MARCHF6: variants seen among roughly 807,000 people sequenced by gnomAD.
MARCHF6 encodes membrane associated ring-CH-type finger 6.
A neutral mutation model predicts 133.7 loss-of-function variants in MARCHF6; 31 were observed. The ratio of observed to expected loss-of-function variants is 0.23; its 90% CI spans 0.17 to 0.31. The LOEUF is 0.31. MARCHF6 is among the 10% of genes least tolerant of loss of function. The pLI is 1.00. For missense variants in MARCHF6, 723 were observed against 1,121.6 expected, an observed-to-expected ratio of 0.64 and a Z score of 5.08; for synonymous variants, 395 against 402.5, an observed-to-expected ratio of 0.98 and a Z score of 0.22.
intron 21 of MARCHF6, among the ~76,000 whole-genome samples, 191 bp downstream of exon 21, chr5:10,415,860 G>A (rs773657095): frequency 1.1e-4 from 16 of 151,942 alleles, no homozygotes; most frequent in South Asian, 2.1e-4. Flanking sequence ...AGAGTCCTAC[G>A]TTCAGATATA....
chr5:10,379,832 C>G (rs1477103281), intron 3 of MARCHF6, among the ~76,000 whole-genome samples: 3 of 152,098 alleles, frequency 2.0e-5, no homozygotes, highest in African/African-American at 4.8e-5. Flanking sequence ...TCTTGAACTC[C>G]TGGCCTCAAG....
At chr5:10,423,904 A>G (rs1219718915) in intron 23 of MARCHF6, 80 bp downstream of exon 23, 2 of 993,600 alleles carry the variant, frequency 2.0e-6, no homozygotes, top group Non-Finnish European at 3.0e-6. Context: ...CTTATTTCTT[A>G]TCTTCCTACC....
chr5:10,398,885 A>T (rs1738348259), intron 10 of MARCHF6, among the ~76,000 whole-genome samples: 1 of 152,178 alleles, frequency 6.6e-6, no homozygotes, highest in Admixed American at 6.5e-5. Context: ...TTTTTCTTTT[A>T]ATCATTGGGA....
intron 15 of MARCHF6, 44 bp downstream of exon 15, chr5:10,403,585 G>A (rs960481396): frequency 1.9e-6 from 3 of 1,555,832 alleles, no homozygotes; most frequent in Non-Finnish European, 1.7e-6. Context: ...TTATAAAAAG[G>A]ACTTTTGCTT....
intron 1 of MARCHF6, among the ~76,000 whole-genome samples, chr5:10,359,961 G>C (rs985090501): frequency 6.6e-6 from 1 of 151,776 alleles, no homozygotes; most frequent in Non-Finnish European, 1.5e-5. Flanking sequence ...AGCCGAGATC[G>C]CGCCACTGCA....
At chr5:10,384,493 A>G (rs1337798677) in intron 4 of MARCHF6, among the ~76,000 whole-genome samples, 1 of 152,240 alleles carries the variant, frequency 6.6e-6, no homozygotes, top group Non-Finnish European at 1.5e-5. Flanking sequence ...ATAGCTAAAT[A>G]TACTAAGCTC....
chr5:10,403,258 G>A (rs1579587360), intron 14 of MARCHF6, 149 bp from the exon 15 acceptor site: 2 of 675,460 alleles, frequency 3.0e-6, no homozygotes, highest in Non-Finnish European at 4.9e-6. Context: ...ATATAGTTCT[G>A]TGACACCGTG....
intron 22 of MARCHF6, among the ~76,000 whole-genome samples, chr5:10,423,295 A>G (rs963953876): frequency 9.9e-5 from 15 of 152,172 alleles, no homozygotes; most frequent in African/African-American, 3.4e-4. Flanking sequence ...TAGAACCACA[A>G]ATGCTTCAAG....
chr5:10,364,786 C>T (rs1482668234), intron 1 of MARCHF6, among the ~76,000 whole-genome samples: 3 of 152,110 alleles, frequency 2.0e-5, no homozygotes. Context: ...AAAATGGTTT[C>T]GCTGTTTCTC....
intron 10 of MARCHF6, among the ~76,000 whole-genome samples, chr5:10,398,260 A>G (rs566983258): frequency 2.6e-5 from 4 of 152,316 alleles, no homozygotes; most frequent in East Asian, 1.9e-4. Flanking sequence ...TGAGGACTAC[A>G]TTGTGACGTG....
intron 4 of MARCHF6, among the ~76,000 whole-genome samples, chr5:10,382,565 C>A (rs1297540523): frequency 2.0e-5 from 3 of 150,132 alleles, no homozygotes; most frequent in African/African-American, 7.4e-5. Context: ...TGGTGACTCA[C>A]GCCTGTAATC....
intron 9 of MARCHF6, among the ~76,000 whole-genome samples, chr5:10,395,358 G>A (rs559698086): frequency 6.6e-6 from 1 of 152,236 alleles, no homozygotes; most frequent in African/African-American, 2.4e-5. Flanking sequence ...TTCTTTTAAA[G>A]TTTCATCTTG....
intron 3 of MARCHF6, among the ~76,000 whole-genome samples, chr5:10,379,585 C>G (rs1368709060): frequency 1.3e-5 from 2 of 151,956 alleles, no homozygotes; most frequent in Middle Eastern, 3.2e-3. Context: ...CTCAGCCTCC[C>G]GAGTAGCTGG....
intron 1 of MARCHF6, among the ~76,000 whole-genome samples, chr5:10,374,099 G>A (rs2126680246): frequency 6.6e-6 from 1 of 151,754 alleles, no homozygotes; most frequent in South Asian, 2.1e-4. Context: ...CAGAGAGAGA[G>A]CCTGATAAAT....
chr5:10,363,983 C>T (rs959376614), intron 1 of MARCHF6, among the ~76,000 whole-genome samples: 4 of 152,162 alleles, frequency 2.6e-5, no homozygotes, highest in Non-Finnish European at 4.4e-5. Flanking sequence ...CTAATAGTTA[C>T]AGGGTTTCCT....
At chr5:10,363,661 GTA>G (rs1561096103) in intron 1 of MARCHF6, among the ~76,000 whole-genome samples, 1 of 152,148 alleles carries the variant, frequency 6.6e-6, no homozygotes, top group Non-Finnish European at 1.5e-5. Context: ...ACAAAAACCT[GTA>G]TATGAGTTAG....
intron 3 of MARCHF6, among the ~76,000 whole-genome samples, chr5:10,380,658 G>T (rs1737078547): frequency 6.6e-6 from 1 of 152,192 alleles, no homozygotes; most frequent in African/African-American, 2.4e-5. Context: ...AGGTGCTGTG[G>T]CTCACCCCTG....
intron 1 of MARCHF6, among the ~76,000 whole-genome samples, chr5:10,369,508 T>C (rs554134767): frequency 8.5e-5 from 13 of 152,212 alleles, no homozygotes; most frequent in African/African-American, 2.9e-4. Flanking sequence ...TAAAGTATAA[T>C]TTAAATACAG....
chr5:10,429,705 T>A (rs1740273817), intron 24 of MARCHF6, among the ~76,000 whole-genome samples, 188 bp from the exon 25 acceptor site: 1 of 152,126 alleles, frequency 6.6e-6, no homozygotes, highest in Admixed American at 6.5e-5. Context: ...CTGGCCTCCT[T>A]GTTTTACAAA....
Sources: allele counts gnomAD v4.1 joint callset (sites outside exome capture counted in the v4.1 genomes callset), GRCh38; gene constraint gnomAD v4.1.1; transcripts MANE v1.5; gene names NCBI Gene and HGNC (gene_info 2026-07-23, HGNC 2026-07-21).